Variants in NDUFAF2 observed in about 807,000 individuals in gnomAD.
NDUFAF2 encodes the protein NADH:ubiquinone oxidoreductase complex assembly factor 2, also known as NADH dehydrogenase [ubiquinone] 1 alpha subcomplex assembly factor 2.
A neutral mutation model predicts 22.8 loss-of-function variants in NDUFAF2; 13 were observed. The ratio of observed to expected loss-of-function variants is 0.57; its 90% CI spans 0.37 to 0.91. NDUFAF2 has a LOEUF of 0.91. NDUFAF2 is among the 40% of genes least tolerant of loss of function. The probability of loss-of-function intolerance (pLI) is 0.01; values close to 1 mark genes in which losing one functional copy is unlikely to be tolerated. For missense variants in NDUFAF2, 162 were observed against 195.2 expected (o/e 0.83, Z 1.01); for synonymous variants, 53 against 64.2 (o/e 0.83, Z 0.84).
intron 2 of NDUFAF2, 61 bp from the exon 3 acceptor site, chr5:61,098,931 G>T: frequency 1.4e-6 from 2 of 1,431,360 alleles, no homozygotes; most frequent in Non-Finnish European, 1.9e-6. Context: ...TTTGTTTTAT[G>T]GATAAAAATG....
At chr5:61,008,581 A>G (rs1751403470) in intron 1 of NDUFAF2, among the ~76,000 whole-genome samples, 1 of 152,108 alleles carries the variant, frequency 6.6e-6, no homozygotes, top group African/African-American at 2.4e-5. Flanking sequence ...TAAAATGCGG[A>G]TGATTTCACC....
intron 3 of NDUFAF2, among the ~76,000 whole-genome samples, chr5:61,123,923 T>G (rs1242476501): frequency 6.6e-6 from 1 of 152,126 alleles, no homozygotes; most frequent in Non-Finnish European, 1.5e-5. Flanking sequence ...TAGGTATTTT[T>G]TAAATAAAGG....
intron 3 of NDUFAF2, chr5:61,146,017 AC>A (rs1045705973): frequency 6.6e-6 from 1 of 152,226 alleles, no homozygotes; most frequent in Non-Finnish European, 1.5e-5. Context: ...GGGAGCCAAG[AC>A]AGTGGTATAA....
chr5:61,132,841 T>A (rs1456172074), intron 3 of NDUFAF2, among the ~76,000 whole-genome samples: 1 of 152,206 alleles, frequency 6.6e-6, no homozygotes, highest in Admixed American at 6.5e-5. Flanking sequence ...TTTATCTGAC[T>A]GCTGTACTTC....
rs187712339 is a variant in NDUFAF2 at position 61,084,382 on chromosome 5, A to G, written c.217+11168A>G. Among the ~76,000 whole-genome samples, 824 of 145,550 alleles carry G rather than the reference A, an allele frequency of 5.7e-3. 13 individuals carry two copies. Among genetic ancestry groups the G allele is most frequent in the African/African-American group, 0.019 (795 of 41,034 alleles). ...CAGTTCAGTGGCTGTAGGTACATTC[A>G]CTGTTTGCAACTATCAGCAGCATTC... On this transcript the variant is annotated intron_variant, in intron 2 of 3. Transcript: ENST00000296597.
chr5:61,075,169 T>C (rs147066176), intron 2 of NDUFAF2, among the ~76,000 whole-genome samples: 1 of 152,346 alleles, frequency 6.6e-6, no homozygotes, highest in East Asian at 1.9e-4. Context: ...CTGGGTTATA[T>C]AGCTTCATAC....
chr5:60,949,918 A>G (rs998033362), intron 1 of NDUFAF2, among the ~76,000 whole-genome samples: 1 of 152,170 alleles, frequency 6.6e-6, no homozygotes, highest in African/African-American at 2.4e-5. Flanking sequence ...AGATTTTTCC[A>G]TGTTGAGCAT....
At chr5:61,038,107 A>AGAGAGAGAGAGAGG (rs1751823076) in intron 1 of NDUFAF2, among the ~76,000 whole-genome samples, 1 of 148,566 alleles carries the variant, frequency 6.7e-6, no homozygotes, top group Non-Finnish European at 1.5e-5. Context: ...AGAGAGAGAG[A>AGAGAGAGAGAGAGG]GAGAGAGAGG....
intron 1 of NDUFAF2, among the ~76,000 whole-genome samples, chr5:61,014,045 T>C (rs1208821207): frequency 1.3e-5 from 2 of 152,214 alleles, no homozygotes; most frequent in Non-Finnish European, 2.9e-5. Context: ...GTGTTTCTTG[T>C]ATGCTCATGA....
chr5:61,109,434 C>T (rs1481563150), intron 3 of NDUFAF2, among the ~76,000 whole-genome samples: 3 of 152,086 alleles, frequency 2.0e-5, no homozygotes, highest in African/African-American at 7.2e-5. Context: ...ATTTGGATGA[C>T]CTTCATTTCT....
intron 1 of NDUFAF2, among the ~76,000 whole-genome samples, chr5:61,009,474 A>G (rs759871985): frequency 3.3e-5 from 5 of 152,134 alleles, no homozygotes; most frequent in African/African-American, 7.2e-5. Flanking sequence ...TAGCAATGAT[A>G]CTTAGAATAC....
intron 1 of NDUFAF2, among the ~76,000 whole-genome samples, chr5:61,055,675 A>G (rs907668852): frequency 1.1e-4 from 16 of 152,212 alleles, no homozygotes; most frequent in Admixed American, 2.6e-4. Context: ...TGTGGAAAGT[A>G]TATGCCAAGT....
chr5:61,141,185 C>CTG (rs1456782374), intron 3 of NDUFAF2, among the ~76,000 whole-genome samples: 1 of 151,362 alleles, frequency 6.6e-6, no homozygotes, highest in Non-Finnish European at 1.5e-5. Context: ...CAAGATCACA[C>CTG]CATTGCACTC....
intron 1 of NDUFAF2, among the ~76,000 whole-genome samples, chr5:61,051,464 G>T (rs9291703): frequency 0.047 from 7,144 of 152,184 alleles, 566 homozygotes; most frequent in African/African-American, 0.16. Context: ...ATCTTGGTAT[G>T]CCTCCAGGAA....
chr5:60,950,248 G>A (rs1750526220), intron 1 of NDUFAF2, among the ~76,000 whole-genome samples: 1 of 152,000 alleles, frequency 6.6e-6, no homozygotes, highest in African/African-American at 2.4e-5. Context: ...GTGCAATAGC[G>A]TGATCTTGGC....
intron 3 of NDUFAF2, among the ~76,000 whole-genome samples, chr5:61,102,500 G>A (rs1047821244): frequency 3.3e-5 from 5 of 151,966 alleles, no homozygotes; most frequent in East Asian, 3.9e-4. Flanking sequence ...CCTACCTCAC[G>A]TCATACACAA....
chr5:60,986,901 T>C (rs329626), intron 1 of NDUFAF2, among the ~76,000 whole-genome samples: 94,263 of 147,048 alleles, frequency 0.64, 30,388 homozygotes, highest in East Asian at 0.94. Flanking sequence ...CATTGCACTC[T>C]AGCCCGGGCA....
At chr5:61,047,311 A>G (rs1751965903) in intron 1 of NDUFAF2, among the ~76,000 whole-genome samples, 1 of 152,116 alleles carries the variant, frequency 6.6e-6, no homozygotes, top group South Asian at 2.1e-4. Flanking sequence ...CTTTTTATAT[A>G]GGATAACTGA....
At chr5:61,055,108 A>C (rs1752071937) in intron 1 of NDUFAF2, among the ~76,000 whole-genome samples, 1 of 152,248 alleles carries the variant, frequency 6.6e-6, no homozygotes, top group Non-Finnish European at 1.5e-5. Flanking sequence ...GAAAATATAT[A>C]TAGTATTGCT....
Sources: gnomAD v4.1 joint callset for allele counts (sites outside exome capture counted in the v4.1 genomes callset) on GRCh38, gnomAD v4.1.1 for gene constraint, MANE v1.5 for transcripts, NCBI Gene and HGNC (gene_info 2026-07-23, HGNC 2026-07-21) for gene names.